CORIN: variants seen among roughly 807,000 people sequenced by gnomAD.
CORIN encodes the protein atrial natriuretic peptide-converting enzyme.
In CORIN, 117 loss-of-function variants were observed where a neutral mutation model predicts 125.3. The ratio of observed to expected loss-of-function variants is 0.93; its 90% CI spans 0.80 to 1.09. CORIN has a LOEUF of 1.09. Ranked by LOEUF, CORIN falls within the 50% of genes least tolerant of loss-of-function variation. The probability of loss-of-function intolerance (pLI) is 0.00; values close to 1 mark genes in which losing one functional copy is unlikely to be tolerated. For synonymous variants in CORIN, 450 were observed against 466.4 expected (o/e 0.96, Z 0.45); for missense variants, 1,253 against 1,306.7 (o/e 0.96, Z 0.63).
At chr4:47,782,539 CTAGG>C (rs1399122426) in intron 3 of CORIN, among the ~76,000 whole-genome samples, 5 of 152,164 alleles carry the variant, frequency 3.3e-5, no homozygotes, top group African/African-American at 1.2e-4. Flanking sequence ...AATTCCACTT[CTAGG>C]TATAAACCCA....
intron 2 of CORIN, among the ~76,000 whole-genome samples, chr4:47,793,921 C>G (rs1326588980): frequency 6.6e-6 from 1 of 152,104 alleles, no homozygotes; most frequent in East Asian, 1.9e-4. Context: ...GCTGATGCTG[C>G]TCGTCCATGG....
intron 5 of CORIN, among the ~76,000 whole-genome samples, chr4:47,732,813 T>G (rs1014673246): frequency 1.1e-4 from 17 of 152,170 alleles, no homozygotes; most frequent in African/African-American, 4.1e-4. Flanking sequence ...TCCACCATCC[T>G]TGGCCTCCCA....
At chr4:47,616,454 G>T (rs1362485791) in intron 19 of CORIN, among the ~76,000 whole-genome samples, 1 of 152,022 alleles carries the variant, frequency 6.6e-6, no homozygotes, top group African/African-American at 2.4e-5. Context: ...CTAAAAATGA[G>T]CTGAAAAAAG....
chr4:47,662,689 TCTTA>T (rs1416117752), intron 11 of CORIN, among the ~76,000 whole-genome samples: 11 of 152,174 alleles, frequency 7.2e-5, no homozygotes, highest in South Asian at 2.1e-4. Flanking sequence ...TCAAATAAAC[TCTTA>T]CTTATCAAAA....
intron 18 of CORIN, 73 bp downstream of exon 18, chr4:47,623,826 C>T (rs1328319139): frequency 1.2e-5 from 20 of 1,605,528 alleles, no homozygotes; most frequent in Admixed American, 3.3e-5. Flanking sequence ...CACTTACAAG[C>T]GATCACTCTT....
In CORIN at chr4:47,695,309, C is replaced by T. The variant is rs753523066; in HGVS notation, c.800-2226G>A. Among the ~76,000 whole-genome samples the T allele has an allele frequency of 1.2e-3, 189 of 152,192 alleles. 4 individuals carry two copies. Among genetic ancestry groups the T allele is most frequent in the Admixed American group, 1.4e-3 (22 of 15,286 alleles). On this transcript the variant is annotated intron_variant, in intron 5 of 21. Coordinates refer to ENST00000273857, the MANE Select transcript of CORIN (RefSeq NM_006587.4). ...TATTATACTAGAGAGTGCAAAAATTCCATATGTCTGCATTTCAGCAGCTGC... is the reference window on the plus strand; with the variant it reads ...TATTATACTAGAGAGTGCAAAAATTTCATATGTCTGCATTTCAGCAGCTGC...
intron 4 of CORIN, among the ~76,000 whole-genome samples, chr4:47,760,218 A>G (rs1415234779): frequency 1.3e-5 from 2 of 152,222 alleles, no homozygotes; most frequent in African/African-American, 2.4e-5. Context: ...AGGCAAGAAA[A>G]CAACATTCAT....
chr4:47,750,764 G>T (rs1366215062), intron 4 of CORIN, among the ~76,000 whole-genome samples: 1 of 152,162 alleles, frequency 6.6e-6, no homozygotes, highest in East Asian at 1.9e-4. Flanking sequence ...TCTCATGCTG[G>T]TGGCTTCCAT....
chr4:47,602,388 T>A (rs1300055464), intron 20 of CORIN, among the ~76,000 whole-genome samples: 1 of 152,252 alleles, frequency 6.6e-6, no homozygotes, highest in Non-Finnish European at 1.5e-5. Context: ...AATTTCTATG[T>A]GTTTTATATG....
At chr4:47,603,269 T>C in intron 20 of CORIN, 128 bp downstream of exon 20, 1 of 897,520 alleles carries the variant, frequency 1.1e-6, no homozygotes, top group Non-Finnish European at 1.7e-6. Context: ...CCGCCATGAT[T>C]GTAGGTTTCC....
chr4:47,837,860 G>T, intron 1 of CORIN, 27 bp downstream of exon 1: 1 of 1,601,288 alleles, frequency 6.2e-7, no homozygotes. Flanking sequence ...ACCTGGCTGC[G>T]GTAGGACAGC....
At chr4:47,728,261 T>C (rs1381332848) in intron 5 of CORIN, among the ~76,000 whole-genome samples, 3 of 152,162 alleles carry the variant, frequency 2.0e-5, no homozygotes, top group Non-Finnish European at 4.4e-5. Flanking sequence ...AATTACTAGA[T>C]AACTGCCACA....
chr4:47,822,091 T>A (rs546641858), intron 1 of CORIN, among the ~76,000 whole-genome samples: 2 of 152,206 alleles, frequency 1.3e-5, no homozygotes, highest in African/African-American at 2.4e-5. Flanking sequence ...TGACTACAAA[T>A]AAAGTTTGTC....
At chr4:47,703,259 G>A (rs1726392873) in intron 5 of CORIN, among the ~76,000 whole-genome samples, 1 of 152,134 alleles carries the variant, frequency 6.6e-6, no homozygotes, top group African/African-American at 2.4e-5. Flanking sequence ...GGTAGTGACA[G>A]CACATATTCA....
At chr4:47,774,500 A>G (rs1441239487) in intron 3 of CORIN, among the ~76,000 whole-genome samples, 1 of 152,164 alleles carries the variant, frequency 6.6e-6, no homozygotes, top group Admixed American at 6.5e-5. Flanking sequence ...ATAAATAATA[A>G]AATTATTATT....
chr4:47,757,673 G>T (rs1729213529), intron 4 of CORIN, among the ~76,000 whole-genome samples: 1 of 151,258 alleles, frequency 6.6e-6, no homozygotes. Flanking sequence ...TATAATAATG[G>T]ATATCATTAT....
intron 16 of CORIN, among the ~76,000 whole-genome samples, chr4:47,638,552 C>T (rs1056226668): frequency 6.6e-6 from 1 of 152,174 alleles, no homozygotes; most frequent in Admixed American, 6.5e-5. Flanking sequence ...TTCACAAGAT[C>T]ATATGGTTTT....
chr4:47,639,429 C>T (rs145907651), intron 16 of CORIN, among the ~76,000 whole-genome samples: 5 of 152,238 alleles, frequency 3.3e-5, no homozygotes, highest in South Asian at 2.1e-4. Context: ...TTTGCATCCT[C>T]GACCCAATGC....
chr4:47,683,846 T>C lies in CORIN; in HGVS notation c.914-8A>G. On this transcript the variant is annotated splice_polypyrimidine_tract_variant and splice_region_variant and intron_variant, in intron 6 of 21. Coordinates refer to ENST00000273857, the MANE Select transcript of CORIN (RefSeq NM_006587.4). ...ACAGATTCTCGCTGCAGTCTGCAAA[T>C]AAAAGAAGCCACCAGTGTGTCATCA... 6.2e-7 allele frequency: 1 copy of C among 1,600,184 alleles called. No homozygotes were observed. The highest frequency in any genetic ancestry group is 8.5e-7 in the Non-Finnish European group (1 of 1,171,190).
Sources: gnomAD v4.1 joint callset for allele counts (sites outside exome capture counted in the v4.1 genomes callset) on GRCh38, gnomAD v4.1.1 for gene constraint, MANE v1.5 for transcripts, NCBI Gene and HGNC (gene_info 2026-07-23, HGNC 2026-07-21) for gene names.